Variants in GTF3C4 observed in about 807,000 individuals in gnomAD.
GTF3C4 encodes general transcription factor 3C polypeptide 4.
In GTF3C4, 28 loss-of-function variants were observed where a neutral mutation model predicts 67.5. The observed-to-expected ratio is 0.41, with a 90% confidence interval of 0.31 to 0.57. GTF3C4 has a LOEUF of 0.57. GTF3C4 is among the 20% of genes least tolerant of loss of function. GTF3C4 has a pLI of 0.21. For missense variants in GTF3C4, 831 were observed against 1,033.2 expected (o/e 0.80, Z 2.68); for synonymous variants, 409 against 393.0 (o/e 1.04, Z -0.48).
In GTF3C4 at chr9:132,679,755, CTG is replaced by C; in HGVS notation, c.2138_2139del (p.Cys713Ter). On this transcript the variant is annotated frameshift_variant, in exon 2 of 5. Coordinates refer to ENST00000372146, the MANE Select transcript of GTF3C4 (RefSeq NM_012204.4). LOFTEE classifies it high-confidence loss of function. This position sits in a 1 kb window ranked among gnomAD's most constrained non-coding sequence, Gnocchi z 5.9. Reference protein sequence around the residue: ...ENTSIPTRGLCNFLMSDEEYD... With the variant: ...ENTSIPTRGLXNFLMSDEEYD... ...ACACTAGCATCCCCACCCGCGGACT[CTG>C]TAACTTTTTAATGTCTGATGAAGAG... The C allele has an allele frequency of 6.2e-7, 1 of 1,613,504 alleles. No individual in the cohort carries two copies. Among genetic ancestry groups the C allele is most frequent in the Non-Finnish European group, 8.5e-7 (1 of 1,179,510 alleles).
chr9:132,688,357 C>T (rs1836062131), intron 4 of GTF3C4, among the ~76,000 whole-genome samples: 1 of 152,150 alleles, frequency 6.6e-6, no homozygotes. Context: ...AAAATCTTAC[C>T]CATTGACTTT....
intron 3 of GTF3C4, among the ~76,000 whole-genome samples, chr9:132,684,229 A>T (rs1212454897): frequency 6.6e-6 from 1 of 152,142 alleles, no homozygotes; most frequent in African/African-American, 2.4e-5. Flanking sequence ...TGATGATTTA[A>T]ACATAGAGTT....
intron 3 of GTF3C4, among the ~76,000 whole-genome samples, chr9:132,686,586 C>T (rs532496243): frequency 3.3e-5 from 5 of 152,282 alleles, no homozygotes; most frequent in African/African-American, 9.6e-5. Flanking sequence ...ATTTGCCTGG[C>T]GCTGGTAGAT....
rs1414463154 is a variant in GTF3C4, at chr9:132,693,887, G to C, written c.*4942G>C. 6.6e-6 allele frequency: 1 copy of C among 152,118 alleles called. No individual in the cohort carries two copies. Among genetic ancestry groups the C allele is most frequent in the African/African-American group, 2.4e-5 (1 of 41,412 alleles). 9.4% of individuals were successfully genotyped at this position (152,118 alleles called of 1,614,324 possible). A position where few individuals can be genotyped will look rare whatever the true frequency, so the allele number is the denominator to read the frequency against. On this transcript the variant is annotated 3_prime_UTR_variant, in exon 5 of 5. Coordinates refer to ENST00000372146, the MANE Select transcript of GTF3C4 (RefSeq NM_012204.4). Reference sequence around the variant, plus strand: ...GAATATCAAACTTGTTTATAGAAAAGACTATATAGAAAAATAAGTCTGTGT... The same window carrying C: ...GAATATCAAACTTGTTTATAGAAAACACTATATAGAAAAATAAGTCTGTGT...
rs780026999 is a variant in GTF3C4 at position 132,679,285 on chromosome 9, T to G, written c.1666T>G (p.Phe556Val). 3 of 1,613,888 alleles carry G rather than the reference T, an allele frequency of 1.9e-6. No homozygotes were observed. The highest frequency in any genetic ancestry group is 2.5e-6 in the Non-Finnish European group (3 of 1,179,948). The change falls in exon 2 of 5, where the codon TTT becomes GTT. Residue 556 changes from phenylalanine to valine, a missense_variant. Coordinates refer to ENST00000372146, the MANE Select transcript of GTF3C4 (RefSeq NM_012204.4). The surrounding 1 kb of genome is among the most constrained non-coding windows in gnomAD (Gnocchi z 5.9). The stretch of plus-strand genomic sequence containing the variant: ...TTTAAAAGATAAACATATCCCTCAA[T>G]TTTTACAAGAAGCTTTGGAAAAAAA... ...KILKDKHIPQ[F>V]LQEALEKKIE...
chr9:132,681,584 CTT>C (rs1590136331), intron 2 of GTF3C4, among the ~76,000 whole-genome samples: 2 of 152,216 alleles, frequency 1.3e-5, no homozygotes, highest in East Asian at 3.9e-4. Context: ...TTTTTAGACA[CTT>C]TTTCTGAATT....
At chr9:132,688,589 A>G (rs900495030) in intron 4 of GTF3C4, among the ~76,000 whole-genome samples, 4 of 152,228 alleles carry the variant, frequency 2.6e-5, no homozygotes, top group African/African-American at 9.6e-5. Flanking sequence ...TTCTCGGAAT[A>G]TACTCCTTTC....
At chr9:132,675,959 T>C (rs1835859111) in intron 1 of GTF3C4, among the ~76,000 whole-genome samples, 1 of 137,690 alleles carries the variant, frequency 7.3e-6, no homozygotes, top group African/African-American at 2.8e-5. Flanking sequence ...AGTGCAGTGG[T>C]GCCATCTTGG....
rs1836042806 is a variant in GTF3C4 at position 132,687,175 on chromosome 9, A to G, written c.2316-64A>G. On this transcript the variant is annotated intron_variant, in intron 3 of 4. Coordinates refer to ENST00000372146, the MANE Select transcript of GTF3C4 (RefSeq NM_012204.4). ...TGATAACTCTCTGTGATGGAGAAAC[A>G]TCAGTTTCTGAGTGTTAGTAGAGCA... The G allele has an allele frequency of 3.5e-5, 30 of 863,200 alleles. No individual in the cohort carries two copies. The South Asian group carries it at 3.9e-4, about 11-fold the overall frequency. 53.5% of individuals were successfully genotyped at this position (863,200 alleles called of 1,614,324 possible). A position where few individuals can be genotyped will look rare whatever the true frequency, so the allele number is the denominator to read the frequency against.
intron 4 of GTF3C4, among the ~76,000 whole-genome samples, chr9:132,687,884 GA>G (rs752808288): frequency 6.6e-6 from 1 of 152,222 alleles, no homozygotes; most frequent in Non-Finnish European, 1.5e-5. Context: ...GCAAATGTCA[GA>G]TTTTGTCCTG....
At chr9:132,671,932 G>C (rs773441463) in intron 1 of GTF3C4, among the ~76,000 whole-genome samples, 1 of 152,142 alleles carries the variant, frequency 6.6e-6, no homozygotes, top group Non-Finnish European at 1.5e-5. Context: ...TTATGTGTTC[G>C]TAAACTCTTA....
rs1229254281 is a variant in GTF3C4 at position 132,693,025 on chromosome 9, G to A, written c.*4080G>A. 2 of 152,178 alleles carry A rather than the reference G, an allele frequency of 1.3e-5. No homozygotes were observed. Among genetic ancestry groups the A allele is most frequent in the African/African-American group, 4.8e-5 (2 of 41,440 alleles). The allele number at this position is 152,178 out of a possible 1,614,324, so 9.4% of individuals were successfully genotyped here. On this transcript the variant is annotated 3_prime_UTR_variant, in exon 5 of 5. Coordinates refer to ENST00000372146, the MANE Select transcript of GTF3C4 (RefSeq NM_012204.4). The stretch of plus-strand genomic sequence containing the variant: ...TTCAGCCAAACTCCAAAAATACTGA[G>A]TTGCTTCTAGTTATCTAAAGTAGTA...
At chr9:132,670,994 C>T (rs139221189) in intron 1 of GTF3C4, 39 bp downstream of exon 1, 14,115 of 1,382,382 alleles carry the variant, frequency 0.01, 109 homozygotes, top group Middle Eastern at 0.015. Context: ...CTTCCCCTGT[C>T]CCCCTCTCGC....
chr9:132,687,350 G>T, intron 4 of GTF3C4, 23 bp downstream of exon 4: 1 of 1,104,946 alleles, frequency 9.1e-7, no homozygotes, highest in South Asian at 1.2e-5. Flanking sequence ...CCTTACTTGG[G>T]AGGGTGGGTG....
At chr9:132,682,954 C>T (rs191916655) in intron 2 of GTF3C4, among the ~76,000 whole-genome samples, 2 of 152,236 alleles carry the variant, frequency 1.3e-5, no homozygotes, top group African/African-American at 4.8e-5. Context: ...AAAGAAAGGC[C>T]TAGAGCCTGT....
chr9:132,674,000 G>T (rs1835829709), intron 1 of GTF3C4, among the ~76,000 whole-genome samples: 1 of 152,136 alleles, frequency 6.6e-6, no homozygotes, highest in African/African-American at 2.4e-5. Flanking sequence ...ATTGTATTGT[G>T]CATCAATTGT....
chr9:132,680,628 A>T (rs1439773060), intron 2 of GTF3C4, among the ~76,000 whole-genome samples: 2 of 152,248 alleles, frequency 1.3e-5, no homozygotes, highest in Non-Finnish European at 2.9e-5. Context: ...TTAAAGTATT[A>T]ATTGAAGGCA....
intron 3 of GTF3C4, 76 bp from the exon 4 acceptor site, chr9:132,687,163 T>A: frequency 1.2e-6 from 1 of 824,642 alleles, no homozygotes; most frequent in South Asian, 1.3e-5. Flanking sequence ...TAACTCTCTG[T>A]GATGGAGAAA....
upstream of GTF3C4, chr9:132,670,036 T>G (rs979445872): frequency 3.2e-6 from 5 of 1,562,980 alleles, no homozygotes; most frequent in Non-Finnish European, 4.3e-6. Context: ...CCACCGCCCC[T>G]TCCGGGTCCG....
Sources: gnomAD v4.1 joint callset for allele counts (sites outside exome capture counted in the v4.1 genomes callset) on GRCh38, gnomAD v4.1.1 for gene constraint, Gnocchi (gnomAD v3.1) non-coding constraint, MANE v1.5 for transcripts, NCBI Gene and HGNC (gene_info 2026-07-23, HGNC 2026-07-21) for gene names.